The following CRPPA variants were observed in gnomAD, a reference collection of about 807,000 sequenced individuals.
The protein encoded by CRPPA is D-ribitol-5-phosphate cytidylyltransferase.
A neutral mutation model predicts 52.0 loss-of-function variants in CRPPA; 43 were observed. The ratio of observed to expected loss-of-function variants is 0.83; its 90% confidence interval spans 0.65 to 1.07. The LOEUF (loss-of-function observed/expected upper bound fraction) is 1.07, where lower values mean the gene tolerates loss of function less well. Ranked by LOEUF, CRPPA falls within the 50% of genes least tolerant of loss-of-function variation. The pLI is 0.00. For synonymous variants in CRPPA, 250 were observed against 203.5 expected, an observed-to-expected ratio of 1.23 and a Z score of -1.94; for missense variants, 629 against 551.7, an observed-to-expected ratio of 1.14 and a Z score of -1.40.
intron 9 of CRPPA, among the ~76,000 whole-genome samples, chr7:16,169,493 G>T (rs577469812): frequency 6.6e-6 from 1 of 152,190 alleles, no homozygotes; most frequent in East Asian, 1.9e-4. Context: ...TGAAGTGATT[G>T]TCCTGTTTTA....
intron 3 of CRPPA, among the ~76,000 whole-genome samples, chr7:16,326,140 GA>G (rs1324606512): frequency 6.6e-6 from 1 of 150,386 alleles, no homozygotes; most frequent in Non-Finnish European, 1.5e-5. Flanking sequence ...CAAGTCCTCT[GA>G]AAGAGCTATA....
chr7:16,221,522 G>A (rs1420956534), intron 8 of CRPPA, among the ~76,000 whole-genome samples: 8 of 152,030 alleles, frequency 5.3e-5, no homozygotes, highest in African/African-American at 1.7e-4. Context: ...TACAAAATGG[G>A]AGAAGATTTT....
chr7:16,409,791 A>G (rs1018605462), intron 1 of CRPPA, among the ~76,000 whole-genome samples: 1 of 152,212 alleles, frequency 6.6e-6, no homozygotes, highest in East Asian at 1.9e-4. Flanking sequence ...CTAAAAATGA[A>G]GCAATAAGAA....
rs56034283 is a variant in CRPPA, at chr7:16,090,549, C to CAAAAAAAAAAAAAAAAA, written c.*1129_*1145dup. On this transcript the variant is annotated 3_prime_UTR_variant, in exon 10 of 10. Transcript: ENST00000407010. Reference sequence around the variant, plus strand: ...CGAAAACCCTTCTCTACTAAAAATACAAAAAAAAAAAAAAAAAAAAAAAAT... The same window carrying CAAAAAAAAAAAAAAAAA: ...CGAAAACCCTTCTCTACTAAAAATACAAAAAAAAAAAAAAAAAAAAAAAAAAAAAAAAAAAAAAAAAT... The CAAAAAAAAAAAAAAAAA allele has an allele frequency of 1.2e-5, 1 of 82,218 alleles. No homozygotes were observed. The highest frequency in any genetic ancestry group is 5.4e-5 in the African/African-American group (1 of 18,412). 5.1% of individuals were successfully genotyped at this position (82,218 alleles called of 1,614,324 possible). A position where few individuals can be genotyped will look rare whatever the true frequency, so the allele number is the denominator to read the frequency against.
At chr7:16,284,231 G>A (rs1421167551) in intron 5 of CRPPA, among the ~76,000 whole-genome samples, 1 of 152,028 alleles carries the variant, frequency 6.6e-6, no homozygotes, top group Non-Finnish European at 1.5e-5. Flanking sequence ...TCTGCTATTA[G>A]TGAATTTTCC....
intron 9 of CRPPA, among the ~76,000 whole-genome samples, chr7:16,151,250 T>G (rs1783071390): frequency 6.6e-6 from 1 of 152,106 alleles, no homozygotes; most frequent in African/African-American, 2.4e-5. Flanking sequence ...CAGGTAATAT[T>G]TCAGTTAATG....
chr7:16,373,187 T>A (rs1354200532), intron 3 of CRPPA, among the ~76,000 whole-genome samples: 1 of 151,896 alleles, frequency 6.6e-6, no homozygotes, highest in African/African-American at 2.4e-5. Flanking sequence ...TCCCAGCTAT[T>A]TGGGAGGCTG....
At chr7:16,106,892 G>T (rs1442623780) in intron 9 of CRPPA, among the ~76,000 whole-genome samples, 1 of 151,742 alleles carries the variant, frequency 6.6e-6, no homozygotes, top group Non-Finnish European at 1.5e-5. Context: ...GAAATTTCAT[G>T]GAATTTGGAA....
chr7:16,113,953 ATAAG>A (rs1303191787), intron 9 of CRPPA, among the ~76,000 whole-genome samples: 1 of 152,036 alleles, frequency 6.6e-6, no homozygotes, highest in East Asian at 1.9e-4. Context: ...AAAATTATAA[ATAAG>A]TAACATCTAA....
intron 6 of CRPPA, chr7:16,268,764 T>A (rs1320897707): frequency 6.6e-6 from 1 of 152,186 alleles, no homozygotes; most frequent in Non-Finnish European, 1.5e-5. Flanking sequence ...GAATACATTT[T>A]AAAAATATTG....
intron 9 of CRPPA, among the ~76,000 whole-genome samples, chr7:16,185,856 A>G (rs1583415379): frequency 6.6e-6 from 1 of 152,176 alleles, no homozygotes; most frequent in East Asian, 1.9e-4. Context: ...ATAGAAATGA[A>G]TAAGGAGGCA....
At position 16,376,117 on chromosome 7, in the gene CRPPA, T is replaced by A; in HGVS notation, c.659A>T (p.Asp220Val). ...CTGCTGATATGCTTCATAAATCACATCAAATAGAAAAGCTTGGGGCATTTC... is the reference window on the plus strand; with the variant it reads ...CTGCTGATATGCTTCATAAATCACAACAAATAGAAAAGCTTGGGGCATTTC... ...ASEMPQAFLFDVIYEAYQQCS... is the reference protein window; with the variant it reads ...ASEMPQAFLFVVIYEAYQQCS... The change falls in exon 3 of 10, where the codon GAT (aspartate) becomes GTT (valine). Residue 220 changes from aspartate (D) to valine (V), a missense_variant. Asp to Val is a radical substitution (Grantham distance 152). Transcript: ENST00000407010. 4 of 1,604,336 alleles carry A rather than the reference T, an allele frequency of 2.5e-6. No homozygotes were observed. Among genetic ancestry groups the A allele is most frequent in the Non-Finnish European group, 3.4e-6 (4 of 1,175,308 alleles).
At chr7:16,188,565 G>C (rs576211173) in intron 9 of CRPPA, among the ~76,000 whole-genome samples, 2 of 152,202 alleles carry the variant, frequency 1.3e-5, no homozygotes, top group South Asian at 2.1e-4. Context: ...GTGTGAGATT[G>C]GACATACAAC....
At chr7:16,357,823 C>A (rs1786341706) in intron 3 of CRPPA, among the ~76,000 whole-genome samples, 1 of 152,202 alleles carries the variant, frequency 6.6e-6, no homozygotes, top group South Asian at 2.1e-4. Flanking sequence ...GGAACATACC[C>A]TCTCCATATC....
intron 8 of CRPPA, among the ~76,000 whole-genome samples, chr7:16,216,855 G>A (rs1782336360): frequency 6.6e-6 from 1 of 152,152 alleles, no homozygotes; most frequent in Admixed American, 6.5e-5. Context: ...GCGGCAGCGA[G>A]GCCGGGGGAG....
chr7:16,224,893 C>A (rs571565807), intron 8 of CRPPA, among the ~76,000 whole-genome samples: 1 of 152,112 alleles, frequency 6.6e-6, no homozygotes, highest in South Asian at 2.1e-4. Flanking sequence ...CATTGTAGAA[C>A]AAAATTAAAT....
At chr7:16,385,851 G>C (rs1332918045) in intron 2 of CRPPA, among the ~76,000 whole-genome samples, 1 of 152,166 alleles carries the variant, frequency 6.6e-6, no homozygotes, top group Non-Finnish European at 1.5e-5. Context: ...CCCCTTATGG[G>C]ATGGGGAGCA....
chr7:16,212,206 T>C (rs982860615), intron 9 of CRPPA, among the ~76,000 whole-genome samples: 6 of 152,208 alleles, frequency 3.9e-5, no homozygotes, highest in African/African-American at 1.4e-4. Context: ...CCATGGCTTC[T>C]CCGTGGCTTG....
intron 8 of CRPPA, among the ~76,000 whole-genome samples, chr7:16,225,820 T>G (rs1782634021): frequency 6.6e-6 from 1 of 151,976 alleles, no homozygotes; most frequent in African/African-American, 2.4e-5. Flanking sequence ...AAGTCCATCA[T>G]GCTACTTCTC....
Sources: gnomAD v4.1 joint callset for allele counts (sites outside exome capture counted in the v4.1 genomes callset) on GRCh38, gnomAD v4.1.1 for gene constraint, MANE v1.5 for transcripts, NCBI Gene and HGNC (gene_info 2026-07-23, HGNC 2026-07-21) for gene names.